LAMP3: variants seen among roughly 807,000 people sequenced by gnomAD.
LAMP3 encodes lysosome-associated membrane glycoprotein 3.
Under a neutral mutation model 34.8 loss-of-function variants are expected in LAMP3, and 26 were observed. The ratio of observed to expected loss-of-function variants is 0.75; its 90% CI spans 0.55 to 1.04. LAMP3 has a LOEUF of 1.04. Among genes scored for constraint, LAMP3 ranks in the 50% least tolerant of loss-of-function variants. The probability of loss-of-function intolerance (pLI) is 0.00; values close to 1 mark genes in which losing one functional copy is unlikely to be tolerated. For synonymous variants in LAMP3, 180 were observed against 201.9 expected (o/e 0.89, Z 0.92); for missense variants, 495 against 524.0 (o/e 0.94, Z 0.54).
intron 1 of LAMP3, among the ~76,000 whole-genome samples, chr3:183,156,499 C>T (rs1348726319): frequency 6.6e-6 from 1 of 152,138 alleles, no homozygotes; most frequent in East Asian, 1.9e-4. Context: ...TGGAGCTGTC[C>T]TGTGCTGGGC....
upstream of LAMP3, among the ~76,000 whole-genome samples, chr3:183,163,366 G>C (rs973144540): frequency 4.0e-5 from 6 of 150,100 alleles, no homozygotes; most frequent in African/African-American, 1.2e-4. Context: ...GCAGTGGCGG[G>C]ATCTCGGCTC....
chr3:183,139,387 CAAAAAAAAAA>C (rs35474952), intron 4 of LAMP3, among the ~76,000 whole-genome samples: 1 of 81,250 alleles, frequency 1.2e-5, no homozygotes, highest in Non-Finnish European at 2.7e-5. Flanking sequence ...GAGACTGTCT[CAAAAAAAAAA>C]AAAAAAAAGA....
intron 1 of LAMP3, among the ~76,000 whole-genome samples, chr3:183,157,360 C>A (rs1024065539): frequency 2.0e-5 from 3 of 152,156 alleles, no homozygotes; most frequent in East Asian, 3.9e-4. Context: ...ACTTTTATGC[C>A]CATGTCATGG....
intron 3 of LAMP3, among the ~76,000 whole-genome samples, chr3:183,147,657 T>C (rs1345195114): frequency 6.6e-6 from 1 of 152,082 alleles, no homozygotes. Flanking sequence ...TTAGGTTATA[T>C]GCCTAGCACC....
chr3:183,162,794 T>C, upstream of LAMP3: 1 of 783,152 alleles, frequency 1.3e-6, no homozygotes, highest in East Asian at 3.2e-5. Context: ...CCAGGGCCGC[T>C]GGGCGGGGAG....
chr3:183,130,699 G>A (rs1342180914), intron 5 of LAMP3, among the ~76,000 whole-genome samples: 1 of 152,162 alleles, frequency 6.6e-6, no homozygotes, highest in African/African-American at 2.4e-5. Context: ...ATGGAAACTA[G>A]CTGCAGCCTG....
At chr3:183,136,468 A>G (rs1442223759) in intron 4 of LAMP3, among the ~76,000 whole-genome samples, 5 of 151,874 alleles carry the variant, frequency 3.3e-5, no homozygotes, top group Admixed American at 2.0e-4. Context: ...CCTGACCAAC[A>G]TGGAGAAACC....
At position 183,153,940 on chromosome 3, in the gene LAMP3, G is replaced by C. The variant is rs1301535864; in HGVS notation, c.501C>G (p.Thr167=). The C allele has an allele frequency of 2.5e-6, 4 of 1,614,092 alleles. No individual in the cohort carries two copies. The highest frequency in any genetic ancestry group is 3.3e-5 in the Admixed American group (2 of 60,000). ...GNTTQPSNQT[T]LPATLSIALH... ...GTGCTATCGATAAAGTTGCTGGAAG[G>C]GTGGTCTGGTTACTGGGTTGAGTGG... Residue 167 remains threonine (T), a synonymous_variant, in exon 2 of 6, where the codon ACC becomes ACG. Transcript: ENST00000265598.
chr3:183,127,417 G>T (rs1185682262), intron 5 of LAMP3, among the ~76,000 whole-genome samples: 1 of 152,062 alleles, frequency 6.6e-6, no homozygotes, highest in South Asian at 2.1e-4. Context: ...GTGAGACACT[G>T]TGCCCAGACA....
At chr3:183,132,485 T>A (rs944076682) in intron 5 of LAMP3, 102 of 984,482 alleles carry the variant, frequency 1.0e-4, no homozygotes, top group Middle Eastern at 5.2e-4. Context: ...TCCCCACAAT[T>A]CTCCCTCCGG....
intron 1 of LAMP3, chr3:183,161,035 AC>A (rs1466005154): frequency 6.6e-6 from 1 of 152,344 alleles, no homozygotes. Flanking sequence ...AACAGGAGAT[AC>A]GAGTTAACAT....
intron 1 of LAMP3, chr3:183,161,089 C>T (rs1720962856): frequency 6.6e-6 from 1 of 152,212 alleles, no homozygotes; most frequent in East Asian, 1.9e-4. Flanking sequence ...CAGGTGCTAC[C>T]TCATTTGTTT....
chr3:183,135,225 C>T (rs1720045673), intron 5 of LAMP3, among the ~76,000 whole-genome samples: 1 of 152,186 alleles, frequency 6.6e-6, no homozygotes, highest in African/African-American at 2.4e-5. Context: ...AGACGAGGGG[C>T]TCCAACAGCT....
Position 183,122,732 on chromosome 3 carries a change from C to T in LAMP3, c.*1349G>A, listed in dbSNP as rs1366543002. ...GAGTGGAGGATTTATTAAGGATAGGCTATTTTGTTATCTGCAAAGCTCTCC... is the reference window on the plus strand; with the variant it reads ...GAGTGGAGGATTTATTAAGGATAGGTTATTTTGTTATCTGCAAAGCTCTCC... On this transcript the variant is annotated 3_prime_UTR_variant, in exon 6 of 6. Coordinates refer to ENST00000265598, the MANE Select transcript of LAMP3 (RefSeq NM_014398.4). 1 of 152,182 alleles carries T rather than the reference C, an allele frequency of 6.6e-6. No individual in the cohort carries two copies. Among genetic ancestry groups the T allele is most frequent in the African/African-American group, 2.4e-5 (1 of 41,424 alleles). The allele number at this position is 152,182 out of a possible 1,614,324, so 9.4% of individuals were successfully genotyped here.
intron 1 of LAMP3, among the ~76,000 whole-genome samples, chr3:183,159,699 T>A (rs1427126237): frequency 6.6e-6 from 1 of 152,226 alleles, no homozygotes; most frequent in African/African-American, 2.4e-5. Context: ...TCCCCTTCTT[T>A]CTAACAGTAC....
chr3:183,143,468 G>C (rs1720348086), intron 3 of LAMP3, among the ~76,000 whole-genome samples: 1 of 152,114 alleles, frequency 6.6e-6, no homozygotes, highest in African/African-American at 2.4e-5. Context: ...TATCTGTTAG[G>C]TGGATTCATG....
In LAMP3 at chr3:183,154,224, T is replaced by G. The variant is rs1051272293; in HGVS notation, c.217A>C (p.Ile73Leu). ...ACTGTGGCCGCTGTTTGAAAGGTGA[T>G]ATGACCATCCATGAATCTTGCTGCT... Reference protein sequence around the residue: ...TLAARFMDGHITFQTAATVKI... With the variant: ...TLAARFMDGHLTFQTAATVKI... Residue 73 changes from isoleucine (I) to leucine (L), a missense_variant, in exon 2 of 6, where the codon ATC becomes CTC. Physicochemically the swap from Ile to Leu is conservative, Grantham distance 5. Coordinates refer to ENST00000265598, the MANE Select transcript of LAMP3 (RefSeq NM_014398.4). The G allele has an allele frequency of 9.3e-6, 15 of 1,614,026 alleles. No homozygotes were observed. In the African/African-American group the frequency reaches 1.9e-4, roughly 20 times the overall value.
intron 3 of LAMP3, among the ~76,000 whole-genome samples, chr3:183,148,723 G>A (rs1466007706): frequency 6.6e-6 from 1 of 152,154 alleles, no homozygotes; most frequent in African/African-American, 2.4e-5. Flanking sequence ...TGGAGAAAAG[G>A]GAACCCTCAT....
intron 3 of LAMP3, among the ~76,000 whole-genome samples, chr3:183,142,668 T>C (rs958558579): frequency 6.6e-6 from 1 of 152,098 alleles, no homozygotes; most frequent in Non-Finnish European, 1.5e-5. Flanking sequence ...GATGTGTGGG[T>C]ATAGAACAAA....
Sources: allele counts gnomAD v4.1 joint callset (sites outside exome capture counted in the v4.1 genomes callset), GRCh38; gene constraint gnomAD v4.1.1; transcripts MANE v1.5; gene names NCBI Gene and HGNC (gene_info 2026-07-23, HGNC 2026-07-21).